PRH1: variants seen among roughly 807,000 people sequenced by gnomAD.
PRH1 encodes salivary acidic proline-rich phosphoprotein 1/2.
Under a neutral mutation model 7.9 loss-of-function variants are expected in PRH1, and 7 were observed. The ratio of observed to expected loss-of-function variants is 0.89; its 90% CI spans 0.50 to 1.67. The LOEUF is 1.67. Among genes scored for constraint, PRH1 ranks in the 40% most tolerant of loss-of-function variants. The pLI is 0.00. For missense variants in PRH1, 109 were observed against 223.6 expected, an observed-to-expected ratio of 0.49 and a Z score of 3.27; for synonymous variants, 45 against 80.8, an observed-to-expected ratio of 0.56 and a Z score of 2.38.
At chr12:11,006,055 T>C (rs539158425) in intron 1 of PRH1, 3 of 152,196 alleles carry the variant, frequency 2.0e-5, no homozygotes, top group South Asian at 2.1e-4. Context: ...TTCAGGTTTT[T>C]ACAGTATAAT....
intron 1 of PRH1, among the ~76,000 whole-genome samples, chr12:11,128,487 G>GTT (rs1800763169): frequency 6.6e-6 from 1 of 152,150 alleles, no homozygotes; most frequent in African/African-American, 2.4e-5. Flanking sequence ...GCTCATGGCT[G>GTT]TAATCCCAGC....
chr12:11,004,720 G>C (rs911932187), intron 1 of PRH1, among the ~76,000 whole-genome samples: 2 of 150,646 alleles, frequency 1.3e-5, no homozygotes, highest in Non-Finnish European at 3.0e-5. Context: ...ATACTTTTTT[G>C]TTATGAACAA....
At chr12:10,968,881 C>G (rs1938648208) in intron 2 of PRH1, among the ~76,000 whole-genome samples, 1 of 152,352 alleles carries the variant, frequency 6.6e-6, no homozygotes. Flanking sequence ...TTTAGCTCTG[C>G]TATCTGCAGA....
intron 1 of PRH1, among the ~76,000 whole-genome samples, chr12:10,981,209 C>T (rs1165729907): frequency 1.3e-5 from 2 of 152,052 alleles, no homozygotes; most frequent in Non-Finnish European, 2.9e-5. Context: ...TTCTCAAAGA[C>T]CTGTAGCTAT....
intron 1 of PRH1, chr12:10,985,779 G>T: frequency 1.6e-6 from 1 of 617,296 alleles, no homozygotes; most frequent in Non-Finnish European, 2.7e-6. Flanking sequence ...TACACTTTTA[G>T]ACTAACTTTA....
intron 1 of PRH1, among the ~76,000 whole-genome samples, chr12:11,008,313 T>C (rs1458639759): frequency 6.6e-6 from 1 of 151,996 alleles, no homozygotes; most frequent in Admixed American, 6.6e-5. Flanking sequence ...TAATTCAAAA[T>C]TTTTATATTA....
At chr12:10,966,306 C>T (rs901664100) in intron 2 of PRH1, among the ~76,000 whole-genome samples, 2 of 152,152 alleles carry the variant, frequency 1.3e-5, no homozygotes, top group Non-Finnish European at 2.9e-5. Flanking sequence ...GCAGTATTTT[C>T]CCACCACACA....
rs527939899 is a variant in PRH1, at chr12:11,076,192, C to A, written n.124-29004G>T. Among the ~76,000 whole-genome samples the A allele has an allele frequency of 1.5e-4, 21 of 139,474 alleles. 5 individuals are homozygous for A. Among genetic ancestry groups the A allele is most frequent in the Non-Finnish European group, 3.0e-4 (19 of 62,532 alleles). The allele number at this position is 139,474 out of a possible 152,430, so 91.5% of individuals were successfully genotyped here. A position where few individuals can be genotyped will look rare whatever the true frequency, so the allele number is the denominator to read the frequency against. The stretch of plus-strand genomic sequence containing the variant: ...AGTCATGCAGAATTTAGCTGTTCAG[C>A]AAGGCTGTACATTTCCTTCTTATAA... On this transcript the variant is annotated intron_variant and non_coding_transcript_variant, in intron 1 of 4. Transcript: ENST00000541977.
intron 1 of PRH1, among the ~76,000 whole-genome samples, chr12:11,130,034 C>T (rs1429051145): frequency 6.6e-6 from 1 of 152,072 alleles, no homozygotes; most frequent in Admixed American, 6.5e-5. Flanking sequence ...CCCTGCAGTC[C>T]CAGCTGCCAG....
rs749268163 is a variant in PRH1, at chr12:10,938,511, C to T, written c.-59+35144G>A. ...GCATAGAGTAGGAAGAAAGTGATCA[C>T]ACTTTTAACTCCTCTGTGGGCTTTG... On this transcript the variant is annotated intron_variant, in intron 2 of 3. Transcript: ENST00000539853. 4 of 1,613,946 alleles carry T rather than the reference C, an allele frequency of 2.5e-6. No individual in the cohort carries two copies. The African/African-American group carries it at 4.0e-5, about 16-fold the overall frequency.
downstream of PRH1, among the ~76,000 whole-genome samples, chr12:11,118,090 T>G (rs1945781435): frequency 6.6e-6 from 1 of 152,188 alleles, no homozygotes; most frequent in South Asian, 2.1e-4. Context: ...TAAAAAATAC[T>G]TCTGCACAGC....
intron 1 of PRH1, among the ~76,000 whole-genome samples, chr12:11,058,719 T>C (rs1255640838): frequency 6.6e-6 from 1 of 152,204 alleles, no homozygotes; most frequent in Non-Finnish European, 1.5e-5. Flanking sequence ...TAGGACTCTG[T>C]GCACGTCTCT....
At chr12:10,924,342 T>C (rs1052810393) in intron 2 of PRH1, among the ~76,000 whole-genome samples, 14 of 152,202 alleles carry the variant, frequency 9.2e-5, no homozygotes, top group African/African-American at 2.9e-4. Context: ...ATTCCCCAAA[T>C]TGCAGGCTTA....
In PRH1 at chr12:11,096,685, A is replaced by C. The variant is rs1945075947; in HGVS notation, n.124-49497T>G. Among the ~76,000 whole-genome samples, 2 of 116,096 alleles carry C rather than the reference A, an allele frequency of 1.7e-5. 1 individual carries two copies. The highest frequency in any genetic ancestry group is 4.1e-5 in the Non-Finnish European group (2 of 49,086). The allele number at this position is 116,096 out of a possible 152,430, so 76.2% of individuals were successfully genotyped here. ...CACCACAAACTCTTTTCACAGGGAA[A>C]TTCAATGAGCAGCACTGGATCTCAA... On this transcript the variant is annotated intron_variant and non_coding_transcript_variant, in intron 1 of 4. Transcript: ENST00000541977.
chr12:11,093,130 T>A (rs1387488435), intron 1 of PRH1, among the ~76,000 whole-genome samples: 1 of 116,458 alleles, frequency 8.6e-6, no homozygotes, highest in Admixed American at 8.6e-5. Flanking sequence ...TGACTTCAGT[T>A]GTTAGGGAAG....
rs925706576 is a variant in PRH1, at chr12:11,059,462, A to C, written n.124-12274T>G. ...CATTTTAGTAAAGTAGCTGGTTACT[A>C]ACTCAATTTTTAAAATGAAATGCCA... On this transcript the variant is annotated intron_variant and non_coding_transcript_variant, in intron 1 of 4. Transcript: ENST00000541977. Among the ~76,000 whole-genome samples the C allele has an allele frequency of 1.1e-4, 17 of 152,360 alleles. No homozygotes were observed. The South Asian group carries it at 3.1e-3, about 28-fold the overall frequency.
intron 2 of PRH1, among the ~76,000 whole-genome samples, chr12:10,971,666 T>C (rs1379050122): frequency 6.6e-6 from 1 of 152,152 alleles, no homozygotes; most frequent in African/African-American, 2.4e-5. Flanking sequence ...CAAAGAATTA[T>C]ATTAATTTAT....
At chr12:11,165,903 C>T (rs1273707472) in intron 1 of PRH1, among the ~76,000 whole-genome samples, 1 of 152,170 alleles carries the variant, frequency 6.6e-6, no homozygotes, top group Non-Finnish European at 1.5e-5. Context: ...CACTTGTGTC[C>T]CTCTCCCAGT....
chr12:11,110,563 A>G (rs1357617562), intron 1 of PRH1, among the ~76,000 whole-genome samples: 1 of 152,242 alleles, frequency 6.6e-6, no homozygotes, highest in Admixed American at 6.5e-5. Flanking sequence ...AAAGCTTCAT[A>G]GTTGAAGGAG....
Sources: allele counts gnomAD v4.1 joint callset (sites outside exome capture counted in the v4.1 genomes callset), GRCh38; gene constraint gnomAD v4.1.1; transcripts MANE v1.5; gene names NCBI Gene and HGNC (gene_info 2026-07-23, HGNC 2026-07-21).